YAE1: variants seen among roughly 807,000 people sequenced by gnomAD.
The protein encoded by YAE1 is YAE1 maturation factor of ABCE1, also known as protein YAE1 homolog.
YAE1 carries 22 observed loss-of-function variants against 23.0 expected under a neutral mutation model. The ratio of observed to expected loss-of-function variants is 0.96; its 90% confidence interval spans 0.68 to 1.37. YAE1 has a LOEUF of 1.37. YAE1 is among the 40% of genes most tolerant of loss of function. The pLI is 0.00. For synonymous variants in YAE1, 101 were observed against 97.0 expected (o/e 1.04, Z -0.24); for missense variants, 260 against 262.1 (o/e 0.99, Z 0.06).
chr7:39,610,558 C>T (rs967184275), downstream of YAE1, among the ~76,000 whole-genome samples: 3 of 152,088 alleles, frequency 2.0e-5, no homozygotes, highest in Non-Finnish European at 2.9e-5. Context: ...GCAAAATATG[C>T]CTTCAGTGGC....
chr7:39,570,270 G>A (rs1790545504), intron 1 of YAE1: 1 of 644,756 alleles, frequency 1.6e-6, no homozygotes, highest in African/African-American at 1.8e-5. Flanking sequence ...GTGACTATCA[G>A]TGTTTTAAAA....
At chr7:39,604,485 A>G (rs1235450619) in intron 2 of YAE1, among the ~76,000 whole-genome samples, 1 of 152,206 alleles carries the variant, frequency 6.6e-6, no homozygotes, top group African/African-American at 2.4e-5. Context: ...TGTGACCTCC[A>G]CTGATATTTG....
chr7:39,609,567 C>A, intron 2 of YAE1: 1 of 1,506,868 alleles, frequency 6.6e-7, no homozygotes, highest in Non-Finnish European at 8.9e-7. Context: ...GTTGTGGGGA[C>A]AGTGATAACA....
chr7:39,576,213 A>C (rs545763282), downstream of YAE1, among the ~76,000 whole-genome samples: 1 of 152,090 alleles, frequency 6.6e-6, no homozygotes, highest in Admixed American at 6.6e-5. Flanking sequence ...CTTTCATTCT[A>C]ATCACCCAGA....
At chr7:39,587,138 C>A (rs151155246) in intron 2 of YAE1, among the ~76,000 whole-genome samples, 323 of 151,660 alleles carry the variant, frequency 2.1e-3, no homozygotes, top group Non-Finnish European at 3.6e-3. Context: ...CTCACTGCAA[C>A]CTCCGCCTCC....
downstream of YAE1, among the ~76,000 whole-genome samples, chr7:39,574,757 C>G (rs1208682493): frequency 7.2e-6 from 1 of 139,084 alleles, no homozygotes; most frequent in African/African-American, 2.7e-5. Flanking sequence ...AAAAAAAAAT[C>G]CGACAGCCAT....
At chr7:39,601,097 G>A (rs1791049003) in intron 2 of YAE1, among the ~76,000 whole-genome samples, 1 of 152,160 alleles carries the variant, frequency 6.6e-6, no homozygotes, top group Non-Finnish European at 1.5e-5. Flanking sequence ...TTTTATGTAA[G>A]CAGGCATTAT....
exon 3 of YAE1, chr7:39,609,812 C>A: frequency 2.6e-6 from 4 of 1,531,326 alleles, no homozygotes; most frequent in Non-Finnish European, 3.5e-6. Flanking sequence ...CCCGCTTCCC[C>A]GCCCGGCTCC....
intron 2 of YAE1, among the ~76,000 whole-genome samples, chr7:39,584,558 C>A (rs958863173): frequency 3.3e-5 from 5 of 152,162 alleles, no homozygotes; most frequent in Admixed American, 6.5e-5. Context: ...ACAATTAGGG[C>A]CTATTGTGCT....
At chr7:39,580,858 A>AT (rs1222288153) in intron 2 of YAE1, among the ~76,000 whole-genome samples, 1 of 152,180 alleles carries the variant, frequency 6.6e-6, no homozygotes, top group Non-Finnish European at 1.5e-5. Flanking sequence ...ATCATAAGAA[A>AT]ACCTGTTCAA....
chr7:39,571,970 G>T (rs73375675), intron 2 of YAE1, among the ~76,000 whole-genome samples: 42,641 of 152,034 alleles, frequency 0.28, 6,979 homozygotes, highest in African/African-American at 0.46. Context: ...CTTGATAGGG[G>T]TCAGAGCTCT....
At chr7:39,596,994 C>G (rs535215979) in intron 2 of YAE1, among the ~76,000 whole-genome samples, 36 of 152,278 alleles carry the variant, frequency 2.4e-4, no homozygotes, top group African/African-American at 8.4e-4. Flanking sequence ...TTTGTGCTTG[C>G]AATTTAAATT....
downstream of YAE1, among the ~76,000 whole-genome samples, chr7:39,573,140 T>C (rs1302742524): frequency 6.6e-6 from 1 of 152,100 alleles, no homozygotes; most frequent in Non-Finnish European, 1.5e-5. Flanking sequence ...GACAGATATA[T>C]AGATATAGAT....
chr7:39,606,192 A>T (rs1000368182), intron 2 of YAE1, among the ~76,000 whole-genome samples: 1 of 152,184 alleles, frequency 6.6e-6, no homozygotes, highest in African/African-American at 2.4e-5. Context: ...CAAAAAAAAT[A>T]AAAAAGCTTA....
downstream of YAE1, among the ~76,000 whole-genome samples, chr7:39,575,234 G>A (rs149509772): frequency 6.0e-4 from 91 of 152,280 alleles, 1 homozygote; most frequent in African/African-American, 2.0e-3. Context: ...AGTTACTTCT[G>A]GGTGCTAATA....
chr7:39,588,885 A>G, intron 2 of YAE1, among the ~76,000 whole-genome samples: 1 of 151,548 alleles, frequency 6.6e-6, no homozygotes, highest in East Asian at 1.9e-4. Flanking sequence ...GTGCAGTGGC[A>G]TGATCTTGGC....
chr7:39,581,299 A>G (rs1028991404), intron 2 of YAE1, among the ~76,000 whole-genome samples: 1 of 152,246 alleles, frequency 6.6e-6, no homozygotes, highest in African/African-American at 2.4e-5. Context: ...AAAGAAATAT[A>G]TGGTTCTAGA....
intron 2 of YAE1, among the ~76,000 whole-genome samples, chr7:39,607,902 C>T (rs1349791776): frequency 6.6e-6 from 1 of 152,224 alleles, no homozygotes; most frequent in Non-Finnish European, 1.5e-5. Flanking sequence ...CTCCTGACCT[C>T]ATGTGATCCA....
At chr7:39,598,025 G>C (rs1791001961) in intron 2 of YAE1, among the ~76,000 whole-genome samples, 1 of 151,902 alleles carries the variant, frequency 6.6e-6, no homozygotes, top group Admixed American at 6.6e-5. Context: ...GCCCAGACTG[G>C]TCTCAAACTC....
Sources: gnomAD v4.1 joint callset for allele counts (sites outside exome capture counted in the v4.1 genomes callset) on GRCh38, gnomAD v4.1.1 for gene constraint, MANE v1.5 for transcripts, NCBI Gene and HGNC (gene_info 2026-07-23, HGNC 2026-07-21) for gene names.